The following AFG1L variants were observed in gnomAD, a reference collection of about 807,000 sequenced individuals.
AFG1L encodes the protein AFG1 like ATPase.
Under a neutral mutation model 62.2 loss-of-function variants are expected in AFG1L, and 53 were observed. The ratio of observed to expected loss-of-function variants is 0.85; its 90% CI spans 0.68 to 1.07. AFG1L has a LOEUF of 1.07. Ranked by LOEUF, AFG1L falls within the 50% of genes least tolerant of loss-of-function variation. The pLI, the probability that AFG1L is intolerant of heterozygous loss-of-function variation, is 0.00. For synonymous variants in AFG1L, 228 were observed against 210.3 expected, an observed-to-expected ratio of 1.08 and a Z score of -0.73; for missense variants, 555 against 590.5, an observed-to-expected ratio of 0.94 and a Z score of 0.62.
At chr6:108,507,549 G>A (rs561124303) in intron 10 of AFG1L, among the ~76,000 whole-genome samples, 1 of 152,318 alleles carries the variant, frequency 6.6e-6, no homozygotes, top group South Asian at 2.1e-4. Flanking sequence ...GTTGCCCTAG[G>A]CACTTCAGTG....
intron 8 of AFG1L, among the ~76,000 whole-genome samples, chr6:108,459,983 C>T (rs1421298503): frequency 1.3e-5 from 2 of 151,182 alleles, no homozygotes; most frequent in South Asian, 2.1e-4. Context: ...TTAAAGGAGA[C>T]GTAGAAACAT....
At chr6:108,489,585 C>T (rs1773697953) in intron 10 of AFG1L, among the ~76,000 whole-genome samples, 1 of 152,192 alleles carries the variant, frequency 6.6e-6, no homozygotes, top group South Asian at 2.1e-4. Context: ...ATTTCAGCTC[C>T]TAATTGCTGC....
chr6:108,479,342 T>A (rs528877157), intron 10 of AFG1L, among the ~76,000 whole-genome samples: 119 of 152,228 alleles, frequency 7.8e-4, no homozygotes, highest in Non-Finnish European at 7.8e-4. Context: ...TTTGTTGATT[T>A]TTTTTTTCTC....
intron 7 of AFG1L, among the ~76,000 whole-genome samples, chr6:108,421,618 A>G (rs1310010076): frequency 6.6e-6 from 1 of 152,106 alleles, no homozygotes; most frequent in African/African-American, 2.4e-5. Context: ...GACAGAGTGA[A>G]TGGACCCTGC....
At chr6:108,420,354 A>G (rs1582559653) in intron 7 of AFG1L, among the ~76,000 whole-genome samples, 1 of 150,318 alleles carries the variant, frequency 6.7e-6, no homozygotes. Flanking sequence ...TCTACCCAAG[A>G]TATTTTATTA....
chr6:108,395,903 G>T (rs907062477), intron 6 of AFG1L, among the ~76,000 whole-genome samples: 1 of 151,956 alleles, frequency 6.6e-6, no homozygotes, highest in African/African-American at 2.4e-5. Context: ...GAGAGCAGTG[G>T]CACTATCCAG....
chr6:108,500,167 C>T (rs1471850755), intron 10 of AFG1L, among the ~76,000 whole-genome samples: 4 of 73,028 alleles, frequency 5.5e-5, no homozygotes, highest in South Asian at 1.1e-3. Context: ...TTCCATGGTG[C>T]GTGCGTGTGT....
At chr6:108,426,912 T>G (rs868832119) in intron 7 of AFG1L, among the ~76,000 whole-genome samples, 6 of 152,292 alleles carry the variant, frequency 3.9e-5, no homozygotes, top group Admixed American at 2.0e-4. Flanking sequence ...TTGTATCTTT[T>G]CAAGCATTTT....
At chr6:108,455,989 A>G (rs1562172725) in intron 8 of AFG1L, among the ~76,000 whole-genome samples, 1 of 151,994 alleles carries the variant, frequency 6.6e-6, no homozygotes, top group Admixed American at 6.6e-5. Context: ...ATTCTTACTG[A>G]TTTTTTGTCT....
intron 3 of AFG1L, among the ~76,000 whole-genome samples, chr6:108,351,218 A>T (rs913812824): frequency 2.6e-5 from 4 of 152,182 alleles, no homozygotes; most frequent in Non-Finnish European, 4.4e-5. Flanking sequence ...AGTGCTGTGT[A>T]CTTGGGCTAC....
intron 10 of AFG1L, among the ~76,000 whole-genome samples, chr6:108,507,792 A>G (rs1263397577): frequency 6.6e-6 from 1 of 152,170 alleles, no homozygotes; most frequent in East Asian, 1.9e-4. Context: ...CCTTTTTACA[A>G]CAAGACATGT....
At chr6:108,411,052 G>T (rs535919501) in intron 7 of AFG1L, among the ~76,000 whole-genome samples, 9 of 152,218 alleles carry the variant, frequency 5.9e-5, no homozygotes, top group African/African-American at 2.2e-4. Flanking sequence ...GGAAAATCGG[G>T]ACACTCCCAC....
chr6:108,303,397 A>T (rs939509474), intron 1 of AFG1L, among the ~76,000 whole-genome samples: 26 of 152,124 alleles, frequency 1.7e-4, no homozygotes, highest in African/African-American at 5.6e-4. Context: ...CTCCAGTAGT[A>T]GACTTCAGGT....
At position 108,395,403 on chromosome 6, in the gene AFG1L, C is replaced by CTTT. The variant is rs71551344; in HGVS notation, c.749-6578_749-6576dup. 7.2e-3 allele frequency among the ~76,000 whole-genome samples: 883 copies of CTTT among 122,910 alleles called. 23 individuals carry two copies. Among genetic ancestry groups the CTTT allele is most frequent in the South Asian group, 0.042 (163 of 3,860 alleles). The allele number at this position is 122,910 out of a possible 152,430, so 80.6% of individuals were successfully genotyped here. A position where few individuals can be genotyped will look rare whatever the true frequency, so the allele number is the denominator to read the frequency against. ...TACTATTCCTTTTTTCTTTTCTTTT[C>CTTT]TTTTTTTTTTTTTTTTTGAGACAGT... On this transcript the variant is annotated intron_variant, in intron 6 of 12. Coordinates refer to ENST00000368977, the MANE Select transcript of AFG1L (RefSeq NM_145315.5).
At chr6:108,307,084 G>A (rs909814812) in intron 1 of AFG1L, among the ~76,000 whole-genome samples, 1 of 151,604 alleles carries the variant, frequency 6.6e-6, no homozygotes, top group Non-Finnish European at 1.5e-5. Flanking sequence ...CATGATCTCA[G>A]CTCACTGCCA....
chr6:108,457,555 T>C (rs1288048771), intron 8 of AFG1L, among the ~76,000 whole-genome samples: 2 of 151,846 alleles, frequency 1.3e-5, no homozygotes, highest in Non-Finnish European at 2.9e-5. Flanking sequence ...TGCAGTACTT[T>C]ATTATCTTTT....
chr6:108,365,030 T>C (rs755048335), intron 5 of AFG1L, among the ~76,000 whole-genome samples: 21 of 152,208 alleles, frequency 1.4e-4, no homozygotes, highest in Non-Finnish European at 3.1e-4. Context: ...AGTATTTTGA[T>C]TTAATTGAAA....
At chr6:108,425,319 T>C (rs1329256621) in intron 7 of AFG1L, among the ~76,000 whole-genome samples, 1 of 152,192 alleles carries the variant, frequency 6.6e-6, no homozygotes, top group Non-Finnish European at 1.5e-5. Context: ...AAAACTGGTA[T>C]AGCATTGACA....
chr6:108,450,688 G>A (rs1448857226), intron 8 of AFG1L, among the ~76,000 whole-genome samples: 2 of 152,122 alleles, frequency 1.3e-5, no homozygotes, highest in African/African-American at 4.8e-5. Context: ...CCTATGTCCT[G>A]AATGGTATTG....
Sources: allele counts gnomAD v4.1 joint callset (sites outside exome capture counted in the v4.1 genomes callset), GRCh38; gene constraint gnomAD v4.1.1; transcripts MANE v1.5; gene names NCBI Gene and HGNC (gene_info 2026-07-23, HGNC 2026-07-21).